Variants in PTGFR observed in about 807,000 individuals in gnomAD.
PTGFR encodes prostaglandin F receptor.
In PTGFR, 15 loss-of-function variants were observed where a neutral mutation model predicts 26.2. That is an observed-to-expected ratio of 0.57 (90% CI 0.38 to 0.88). The LOEUF is 0.88. PTGFR is among the 40% of genes least tolerant of loss of function. The pLI is 0.00. For synonymous variants in PTGFR, 165 were observed against 151.1 expected (o/e 1.09, Z -0.68); for missense variants, 369 against 427.2 (o/e 0.86, Z 1.20).
intron 2 of PTGFR, among the ~76,000 whole-genome samples, chr1:78,494,020 G>A (rs1014806901): frequency 6.6e-6 from 1 of 152,246 alleles, no homozygotes; most frequent in African/African-American, 2.4e-5. Context: ...TAGTTCAGGT[G>A]TACTGCATGG....
chr1:78,524,098 G>A (rs760410227), intron 2 of PTGFR, among the ~76,000 whole-genome samples: 28 of 151,998 alleles, frequency 1.8e-4, no homozygotes, highest in African/African-American at 6.0e-4. Flanking sequence ...TGGTGGAGTC[G>A]CTACTATTGA....
In PTGFR at chr1:78,536,683, C is replaced by T. The variant is rs1650664828; in HGVS notation, c.1076C>T (p.Thr359Ile). The change falls in exon 3 of 3, where the codon ACC becomes ATC. Residue 359 changes from threonine (T) to isoleucine (I), a missense_variant. Coordinates refer to ENST00000370757, the MANE Select transcript of PTGFR (RefSeq NM_000959.4). ...CCAGTTGCAGAGAAATCAGCAAGCA[C>T]CTAGCTTAATAGGACAGTAAATCTG... is the stretch of plus-strand genomic sequence containing the variant. ...ESPVAEKSAST is the reference protein window; with the variant it reads ...ESPVAEKSASI The T allele has an allele frequency of 6.2e-7, 1 of 1,611,020 alleles. No individual in the cohort carries two copies. The highest frequency in any genetic ancestry group is 8.5e-7 in the Non-Finnish European group (1 of 1,178,834).
intron 2 of PTGFR, among the ~76,000 whole-genome samples, chr1:78,532,558 A>G (rs963872183): frequency 1.3e-5 from 2 of 149,806 alleles, no homozygotes; most frequent in Non-Finnish European, 3.0e-5. Context: ...ATATATACAT[A>G]CACACATATA....
In PTGFR at chr1:78,493,330, G is replaced by T. The variant is rs747952854; in HGVS notation, c.587G>T (p.Trp196Leu). The change falls in exon 2 of 3, where the codon TGG (tryptophan) becomes TTG (leucine). Residue 196 changes from tryptophan (W) to leucine (L), a missense_variant. Coordinates refer to ENST00000370757, the MANE Select transcript of PTGFR (RefSeq NM_000959.4). ...CFYNTEDIKD[W>L]EDRFYLLLFS... The stretch of plus-strand genomic sequence containing the variant: ...TACAACACAGAAGACATCAAAGACT[G>T]GGAAGATAGATTTTATCTTCTACTT... 1 of 1,614,122 alleles carries T rather than the reference G, an allele frequency of 6.2e-7. No homozygotes were observed. Among genetic ancestry groups the T allele is most frequent in the Middle Eastern group, 1.6e-4 (1 of 6,062 alleles).
At chr1:78,494,062 A>G (rs1398908796) in intron 2 of PTGFR, among the ~76,000 whole-genome samples, 1 of 152,256 alleles carries the variant, frequency 6.6e-6, no homozygotes, top group East Asian at 1.9e-4. Context: ...GTAATTCACT[A>G]ACTCAGGAAC....
At chr1:78,524,849 T>C (rs896961235) in intron 2 of PTGFR, among the ~76,000 whole-genome samples, 2 of 147,550 alleles carry the variant, frequency 1.4e-5, no homozygotes, top group Non-Finnish European at 3.0e-5. Flanking sequence ...CTTATACCAA[T>C]CAGAGGGAAA....
intron 2 of PTGFR, among the ~76,000 whole-genome samples, chr1:78,495,600 T>C (rs923138150): frequency 3.3e-5 from 5 of 152,198 alleles, no homozygotes; most frequent in Admixed American, 1.3e-4. Context: ...ATGAGAGACA[T>C]AATCCGGACA....
At chr1:78,503,142 G>A (rs1214780002) in intron 2 of PTGFR, among the ~76,000 whole-genome samples, 1 of 151,990 alleles carries the variant, frequency 6.6e-6, no homozygotes, top group Non-Finnish European at 1.5e-5. Flanking sequence ...TAGTATTTGG[G>A]CCAGGCTTTA....
At chr1:78,517,378 A>T (rs1425250036) in intron 2 of PTGFR, among the ~76,000 whole-genome samples, 3 of 152,034 alleles carry the variant, frequency 2.0e-5, no homozygotes, top group African/African-American at 7.3e-5. Context: ...GACGGTTTGG[A>T]AAGGGGTAGA....
intron 2 of PTGFR, chr1:78,532,278 G>C: frequency 2.7e-6 from 1 of 367,498 alleles, no homozygotes; most frequent in South Asian, 2.0e-5. Context: ...CATGAAAGTG[G>C]ATCAAACAAC....
At chr1:78,533,486 A>G (rs1342766065) in intron 2 of PTGFR, among the ~76,000 whole-genome samples, 1 of 152,130 alleles carries the variant, frequency 6.6e-6, no homozygotes, top group African/African-American at 2.4e-5. Flanking sequence ...TGCATAATAA[A>G]TGGAGCCCAT....
chr1:78,506,175 C>CATCTCTGATCCACTCTCA (rs1649824145), intron 2 of PTGFR, among the ~76,000 whole-genome samples: 1 of 152,044 alleles, frequency 6.6e-6, no homozygotes, highest in South Asian at 2.1e-4. Flanking sequence ...CCAATTATTC[C>CATCTCTGATCCACTCTCA]ACAGTTTTTG....
intron 2 of PTGFR, among the ~76,000 whole-genome samples, chr1:78,507,342 GTGTT>G (rs1649850434): frequency 6.6e-6 from 1 of 152,146 alleles, no homozygotes; most frequent in South Asian, 2.1e-4. Context: ...TTCAGGTAGT[GTGTT>G]TGTTTTTGTT....
intron 2 of PTGFR, chr1:78,532,292 T>C (rs1383138384): frequency 5.8e-6 from 2 of 342,858 alleles, no homozygotes; most frequent in Non-Finnish European, 1.1e-5. Context: ...AAACAACTTA[T>C]ACATGGGTGC....
At chr1:78,507,813 G>A (rs1649862959) in intron 2 of PTGFR, among the ~76,000 whole-genome samples, 1 of 152,156 alleles carries the variant, frequency 6.6e-6, no homozygotes, top group South Asian at 2.1e-4. Context: ...TTAATGTGAA[G>A]AATAAGGATG....
intron 2 of PTGFR, among the ~76,000 whole-genome samples, chr1:78,508,247 C>T (rs1356907101): frequency 1.3e-5 from 2 of 152,136 alleles, no homozygotes; most frequent in African/African-American, 4.8e-5. Flanking sequence ...TTTCATGCAT[C>T]ATATGTCTAT....
At chr1:78,533,682 A>G (rs686262) in intron 2 of PTGFR, among the ~76,000 whole-genome samples, 58,234 of 152,084 alleles carry the variant, frequency 0.38, 12,704 homozygotes, top group African/African-American at 0.6. Flanking sequence ...CAAATTTACC[A>G]TTGCTTTGAA....
chr1:78,518,544 G>A (rs763534061), intron 2 of PTGFR, among the ~76,000 whole-genome samples: 3 of 146,792 alleles, frequency 2.0e-5, no homozygotes, highest in Middle Eastern at 7.0e-3. Flanking sequence ...CACCACTGCA[G>A]CATTTGTCAT....
At position 78,493,195 on chromosome 1, in the gene PTGFR, A is replaced by C; in HGVS notation, c.452A>C (p.His151Pro). The change falls in exon 2 of 3, where the codon CAT becomes CCT. Residue 151 changes from histidine (H) to proline (P), a missense_variant. Transcript: ENST00000370757. Reference protein sequence around the residue: ...IFHSTKITSKHVKMMLSGVCL... With the variant: ...IFHSTKITSKPVKMMLSGVCL... ...CATTCTACGAAAATTACATCCAAAC[A>C]TGTGAAAATGATGTTAAGTGGTGTG... 6.2e-7 allele frequency: 1 copy of C among 1,614,124 alleles called. No homozygotes were observed. The highest frequency in any genetic ancestry group is 8.5e-7 in the Non-Finnish European group (1 of 1,179,986).
Sources: allele counts gnomAD v4.1 joint callset (sites outside exome capture counted in the v4.1 genomes callset), GRCh38; gene constraint gnomAD v4.1.1; transcripts MANE v1.5; gene names NCBI Gene and HGNC (gene_info 2026-07-23, HGNC 2026-07-21).